CLSTN2: variants seen among roughly 807,000 people sequenced by gnomAD.
CLSTN2 encodes calsyntenin 2.
Under a neutral mutation model 101.2 loss-of-function variants are expected in CLSTN2, and 48 were observed. The observed-to-expected ratio is 0.47, with a 90% CI of 0.38 to 0.60. The LOEUF (loss-of-function observed/expected upper bound fraction) is 0.60. Ranked by LOEUF, CLSTN2 falls within the 20% of genes least tolerant of loss-of-function variation. CLSTN2 has a pLI of 0.00. For missense variants in CLSTN2, 1,160 were observed against 1,238.2 expected (o/e 0.94, Z 0.95); for synonymous variants, 481 against 463.6 (o/e 1.04, Z -0.48).
chr3:140,075,513 CT>C (rs1167944834), intron 1 of CLSTN2, among the ~76,000 whole-genome samples: 2 of 152,186 alleles, frequency 1.3e-5, no homozygotes, highest in Admixed American at 6.5e-5. Flanking sequence ...TTCTAATACT[CT>C]TACATCAAAA....
chr3:140,029,480 A>G (rs2007501822), intron 1 of CLSTN2, among the ~76,000 whole-genome samples: 1 of 152,218 alleles, frequency 6.6e-6, no homozygotes, highest in African/African-American at 2.4e-5. Flanking sequence ...AATGCCTGCA[A>G]GACCTGAGTC....
intron 2 of CLSTN2, among the ~76,000 whole-genome samples, chr3:140,294,103 A>G (rs2086980684): frequency 6.6e-6 from 1 of 152,218 alleles, no homozygotes. Context: ...CTTGGGTTAC[A>G]GCATGTTATA....
chr3:140,378,075 C>T (rs2087936540), intron 2 of CLSTN2, among the ~76,000 whole-genome samples: 2 of 152,170 alleles, frequency 1.3e-5, no homozygotes, highest in Admixed American at 1.3e-4. Flanking sequence ...ATTTGCTGTA[C>T]AGATTTGTTG....
At chr3:140,543,836 A>C (rs1576620117) in intron 9 of CLSTN2, among the ~76,000 whole-genome samples, 1 of 152,258 alleles carries the variant, frequency 6.6e-6, no homozygotes, top group South Asian at 2.1e-4. Flanking sequence ...ATTTGTTCTC[A>C]TGATTCTTCC....
chr3:140,027,399 GC>G (rs2007443100), intron 1 of CLSTN2, among the ~76,000 whole-genome samples: 1 of 152,158 alleles, frequency 6.6e-6, no homozygotes, highest in South Asian at 2.1e-4. Flanking sequence ...GATGGAGGCA[GC>G]CCCAAACCAA....
intron 8 of CLSTN2, among the ~76,000 whole-genome samples, chr3:140,521,870 C>G (rs978699264): frequency 6.6e-6 from 1 of 152,154 alleles, no homozygotes. Flanking sequence ...AAGTGGGGCC[C>G]GCAGAATGAC....
chr3:140,367,474 C>T (rs914869840), intron 2 of CLSTN2, among the ~76,000 whole-genome samples: 33 of 137,136 alleles, frequency 2.4e-4, no homozygotes, highest in African/African-American at 8.8e-4. Flanking sequence ...GATTGTACCA[C>T]TGCACTCCAT....
intron 4 of CLSTN2, among the ~76,000 whole-genome samples, chr3:140,417,715 G>A (rs1044879704): frequency 5.9e-5 from 9 of 152,146 alleles, no homozygotes; most frequent in Admixed American, 1.3e-4. Context: ...ATTCAAATAT[G>A]GGAGAAAAAG....
At chr3:140,279,624 A>C (rs1356767878) in intron 2 of CLSTN2, among the ~76,000 whole-genome samples, 1 of 152,154 alleles carries the variant, frequency 6.6e-6, no homozygotes, top group Non-Finnish European at 1.5e-5. Context: ...ACAGGGAGAA[A>C]TCTGGAAAGT....
chr3:140,530,535 ACTT>A (rs749243273), intron 8 of CLSTN2, among the ~76,000 whole-genome samples: 14 of 152,332 alleles, frequency 9.2e-5, no homozygotes, highest in African/African-American at 1.9e-4. Context: ...TTATAGAATT[ACTT>A]CTTCTTTGCA....
chr3:140,333,765 C>A (rs1285763171), intron 2 of CLSTN2, among the ~76,000 whole-genome samples: 2 of 151,684 alleles, frequency 1.3e-5, no homozygotes, highest in Non-Finnish European at 2.9e-5. Context: ...GAGGGAAACA[C>A]AAAGAAAGCC....
chr3:139,983,995 C>A (rs1285396039), intron 1 of CLSTN2, among the ~76,000 whole-genome samples: 3 of 152,150 alleles, frequency 2.0e-5, no homozygotes, highest in Admixed American at 6.6e-5. Flanking sequence ...TTCTTTCTTT[C>A]ATTCTTCATT....
intron 2 of CLSTN2, among the ~76,000 whole-genome samples, chr3:140,341,783 A>G (rs2087495938): frequency 6.6e-6 from 1 of 152,188 alleles, no homozygotes; most frequent in Admixed American, 6.5e-5. Context: ...TACAGTTACA[A>G]TGTCCTGGCC....
chr3:140,010,269 T>TGGTTTTATTC (rs2007046044), intron 1 of CLSTN2, among the ~76,000 whole-genome samples: 1 of 152,194 alleles, frequency 6.6e-6, no homozygotes, highest in African/African-American at 2.4e-5. Context: ...TAGGAGGTGT[T>TGGTTTTATTC]GGTTTTATTC....
intron 8 of CLSTN2, among the ~76,000 whole-genome samples, chr3:140,509,783 G>A (rs150999422): frequency 1.2e-4 from 19 of 152,264 alleles, no homozygotes; most frequent in East Asian, 5.8e-4. Flanking sequence ...CATCAACACC[G>A]TCAGCTCTAC....
intron 1 of CLSTN2, among the ~76,000 whole-genome samples, chr3:140,022,817 C>A (rs2007346232): frequency 6.6e-6 from 1 of 152,128 alleles, no homozygotes; most frequent in Non-Finnish European, 1.5e-5. Context: ...CCCATGGGAG[C>A]TAAGGCATGA....
chr3:140,292,843 T>G (rs560753292), intron 2 of CLSTN2, among the ~76,000 whole-genome samples: 2 of 152,366 alleles, frequency 1.3e-5, no homozygotes, highest in East Asian at 3.9e-4. Context: ...AGTTAATGAC[T>G]AAATAAACCA....
chr3:140,118,611 A>G (rs2009285000), intron 1 of CLSTN2, among the ~76,000 whole-genome samples: 1 of 152,174 alleles, frequency 6.6e-6, no homozygotes, highest in African/African-American at 2.4e-5. Context: ...AGACAGAATC[A>G]GGTAGAAAGA....
chr3:140,538,170 G>GTGAT (rs901899394), intron 9 of CLSTN2, among the ~76,000 whole-genome samples: 19 of 100,646 alleles, frequency 1.9e-4, no homozygotes, highest in African/African-American at 8.7e-4. Context: ...CTCCACTCTA[G>GTGAT]TGATTGCCTC....
Sources: allele counts gnomAD v4.1 joint callset (sites outside exome capture counted in the v4.1 genomes callset), GRCh38; gene constraint gnomAD v4.1.1; transcripts MANE v1.5; gene names NCBI Gene and HGNC (gene_info 2026-07-23, HGNC 2026-07-21).